Variants in CRAMP1 observed in about 807,000 individuals in gnomAD.
CRAMP1 encodes the protein cramped chromatin regulator 1.
Under a neutral mutation model 115.4 loss-of-function variants are expected in CRAMP1, and 50 were observed. That is an observed-to-expected ratio of 0.43 (90% CI 0.35 to 0.55). CRAMP1 has a LOEUF of 0.55. Ranked by LOEUF, CRAMP1 falls within the 20% of genes least tolerant of loss-of-function variation. CRAMP1 has a pLI of 0.01. For missense variants in CRAMP1, 1,679 were observed against 1,721.7 expected, an observed-to-expected ratio of 0.98 and a Z score of 0.44; for synonymous variants, 866 against 745.4, an observed-to-expected ratio of 1.16 and a Z score of -2.64.
chr16:1,624,601 A>G (rs2036493627), intron 2 of CRAMP1, among the ~76,000 whole-genome samples: 1 of 145,014 alleles, frequency 6.9e-6, no homozygotes, highest in Admixed American at 6.8e-5. Context: ...TCTTTTTTAG[A>G]CGCAGTCTTG....
At chr16:1,633,568 T>G (rs1188876143) in intron 4 of CRAMP1, among the ~76,000 whole-genome samples, 2 of 152,250 alleles carry the variant, frequency 1.3e-5, no homozygotes, top group African/African-American at 4.8e-5. Context: ...GTCCTATATT[T>G]GATGCCTGTG....
At chr16:1,625,850 C>A (rs2036503715) in intron 2 of CRAMP1, 123 bp from the exon 3 acceptor site, 6 of 963,554 alleles carry the variant, frequency 6.2e-6, no homozygotes, top group Non-Finnish European at 9.1e-6. Flanking sequence ...CTGCCAGCAT[C>A]CTCGGTTGAG....
In CRAMP1 at chr16:1,654,103, C is replaced by T. The variant is rs1395866467; in HGVS notation, c.1037+947C>T. On this transcript the variant is annotated intron_variant, in intron 8 of 20. Coordinates refer to ENST00000397412, the MANE Select transcript of CRAMP1 (RefSeq NM_020825.4). ...GGTTGCAGTGAGCCAAGATTGCGCC[C>T]CTGCCCTCCAGCCTGGGCCACAGAG... 1.3e-5 allele frequency among the ~76,000 whole-genome samples: 2 copies of T among 149,176 alleles called. 1 individual carries two copies. Among genetic ancestry groups the T allele is most frequent in the South Asian group, 4.3e-4 (2 of 4,662 alleles).
rs2036876407 is a variant in CRAMP1 at position 1,666,410 on chromosome 16, T to G, written c.2858-12T>G. 6.2e-7 allele frequency: 1 copy of G among 1,609,470 alleles called. No individual in the cohort carries two copies. The highest frequency in any genetic ancestry group is 8.5e-7 in the Non-Finnish European group (1 of 1,177,626). ...GTAGAGCAGAGATGTGCAGCGTCCT[T>G]TTTGTTGCCAGGTGCTATCGACTTA... On this transcript the variant is annotated splice_polypyrimidine_tract_variant and intron_variant, in intron 15 of 20. Coordinates refer to ENST00000397412, the MANE Select transcript of CRAMP1 (RefSeq NM_020825.4). This position sits in a 1 kb window ranked among gnomAD's most constrained non-coding sequence, Gnocchi z 5.0.
rs553254839 is a variant in CRAMP1, at chr16:1,634,742, G to A, written c.694+2377G>A. On this transcript the variant is annotated intron_variant, in intron 4 of 20. Transcript: ENST00000397412. ...GTCTGCCTCCGTGCCAGCGGGCAGCGGCATTGGGGCACCCGATGCTGACTT... is the reference window on the plus strand; with the variant it reads ...GTCTGCCTCCGTGCCAGCGGGCAGCAGCATTGGGGCACCCGATGCTGACTT... 8.6e-4 allele frequency among the ~76,000 whole-genome samples: 131 copies of A among 152,342 alleles called. 2 individuals are homozygous for A. The highest frequency in any genetic ancestry group is 3.7e-3 in the South Asian group (18 of 4,826).
At chr16:1,616,662 G>C (rs951675414) in intron 2 of CRAMP1, among the ~76,000 whole-genome samples, 61 of 152,256 alleles carry the variant, frequency 4.0e-4, no homozygotes, top group African/African-American at 1.4e-3. Context: ...CTCACACTTA[G>C]GTTGCTGGCA....
At chr16:1,667,865 A>G (rs2036889322) in intron 17 of CRAMP1, 97 bp from the exon 18 acceptor site, 2 of 741,900 alleles carry the variant, frequency 2.7e-6, no homozygotes, top group South Asian at 3.4e-5. Flanking sequence ...CACCCTATTG[A>G]TTTGCCTGCA....
chr16:1,620,673 A>T (rs767493005), intron 2 of CRAMP1: 1 of 456,824 alleles, frequency 2.2e-6, no homozygotes, highest in Non-Finnish European at 4.4e-6. Context: ...CTGGCTGTCT[A>T]TTAGCCGCGT....
chr16:1,653,551 C>T (rs1041098338), intron 8 of CRAMP1, among the ~76,000 whole-genome samples: 8 of 152,108 alleles, frequency 5.3e-5, no homozygotes, highest in Admixed American at 1.3e-4. Context: ...ATGAGGTGAC[C>T]GGGTGCAGAG....
At chr16:1,630,924 C>T (rs2036544227) in intron 3 of CRAMP1, among the ~76,000 whole-genome samples, 1 of 152,210 alleles carries the variant, frequency 6.6e-6, no homozygotes, top group Non-Finnish European at 1.5e-5. Context: ...GGTGTTCTTT[C>T]TGTCTCCGTC....
intron 2 of CRAMP1, among the ~76,000 whole-genome samples, chr16:1,618,624 G>C (rs2036440571): frequency 6.6e-6 from 1 of 152,232 alleles, no homozygotes; most frequent in African/African-American, 2.4e-5. Flanking sequence ...TGAAGTGACA[G>C]TCGTTTGTGT....
At chr16:1,664,100 A>G (rs1204093509) in intron 13 of CRAMP1, among the ~76,000 whole-genome samples, 1 of 152,184 alleles carries the variant, frequency 6.6e-6, no homozygotes, top group Non-Finnish European at 1.5e-5. Flanking sequence ...GTCCTGGGGC[A>G]TTTCAAAGGG....
chr16:1,665,017 G>GTCAACATCACCTT, intron 13 of CRAMP1, 40 bp from the exon 14 acceptor site: 1 of 1,355,472 alleles, frequency 7.4e-7, no homozygotes, highest in Admixed American at 1.7e-5. Context: ...TTTTGGTATG[G>GTCAACATCACCTT]GAGTTTCATC....
chr16:1,620,128 G>A (rs1439917288), intron 2 of CRAMP1, among the ~76,000 whole-genome samples: 2 of 152,226 alleles, frequency 1.3e-5, no homozygotes, highest in East Asian at 3.9e-4. Context: ...TATCCACCAA[G>A]CCCTCACCCA....
intron 2 of CRAMP1, among the ~76,000 whole-genome samples, 189 bp downstream of exon 2, chr16:1,615,174 T>G (rs918595916): frequency 3.3e-5 from 5 of 152,252 alleles, no homozygotes; most frequent in African/African-American, 4.8e-5. Flanking sequence ...TGCGACTTTC[T>G]ATATTTAAAC....
rs1161022741 is a variant in CRAMP1, at chr16:1,669,486, C to A, written c.3499+321C>A. On this transcript the variant is annotated intron_variant, in intron 19 of 20. Coordinates refer to ENST00000397412, the MANE Select transcript of CRAMP1 (RefSeq NM_020825.4). The surrounding 1 kb of genome is among the most constrained non-coding windows in gnomAD (Gnocchi z 4.6). Reference sequence around the variant, plus strand: ...TTCCCAGTCTGTTCAGCTAGCCCGGCCCCTCCCGACTGGGTTCTCTTGAGG... The same window carrying A: ...TTCCCAGTCTGTTCAGCTAGCCCGGACCCTCCCGACTGGGTTCTCTTGAGG... 6.6e-6 allele frequency among the ~76,000 whole-genome samples: 1 copy of A among 152,186 alleles called. No homozygotes were observed. Among genetic ancestry groups the A allele is most frequent in the African/African-American group, 2.4e-5 (1 of 41,436 alleles).
intron 6 of CRAMP1, among the ~76,000 whole-genome samples, chr16:1,651,460 G>A (rs1254776504): frequency 6.6e-6 from 1 of 151,208 alleles, no homozygotes; most frequent in Non-Finnish European, 1.5e-5. Flanking sequence ...TCATGTTGAG[G>A]TGGACTGAGG....
intron 1 of CRAMP1, among the ~76,000 whole-genome samples, chr16:1,613,624 C>T (rs2036384652): frequency 6.6e-6 from 1 of 152,228 alleles, no homozygotes; most frequent in Non-Finnish European, 1.5e-5. Context: ...GCTCTGCTTT[C>T]TGGGCTGCAG....
In CRAMP1 at chr16:1,632,143, G is replaced by A. The variant is rs984577810; in HGVS notation, c.541-69G>A. ...TTCTCCTTTCTCGGAACCTTGGAAA[G>A]GGTCCAGTTAACACAGAAAGCTGCA... is the stretch of plus-strand genomic sequence containing the variant. On this transcript the variant is annotated intron_variant, in intron 3 of 20. Transcript: ENST00000397412. The A allele has an allele frequency of 7.5e-6, 11 of 1,468,528 alleles. No homozygotes were observed. The African/African-American group carries it at 1.0e-4, about 13-fold the overall frequency. 91.0% of individuals were successfully genotyped at this position (1,468,528 alleles called of 1,614,324 possible).
Sources: gnomAD v4.1 joint callset for allele counts (sites outside exome capture counted in the v4.1 genomes callset) on GRCh38, gnomAD v4.1.1 for gene constraint, Gnocchi (gnomAD v3.1) non-coding constraint, MANE v1.5 for transcripts, NCBI Gene and HGNC (gene_info 2026-07-23, HGNC 2026-07-21) for gene names.